The following ANKRD55 variants were observed in gnomAD, a reference collection of about 807,000 sequenced individuals.
ANKRD55 encodes the protein ankyrin repeat domain 55.
In ANKRD55, 41 loss-of-function variants were observed where a neutral mutation model predicts 60.6. The observed-to-expected ratio is 0.68, with a 90% CI of 0.53 to 0.88. ANKRD55 has a LOEUF of 0.88. Among genes scored for constraint, ANKRD55 ranks in the 40% least tolerant of loss-of-function variants. The pLI, the probability that ANKRD55 is intolerant of heterozygous loss-of-function variation, is 0.00. For synonymous variants in ANKRD55, 264 were observed against 290.3 expected, an observed-to-expected ratio of 0.91 and a Z score of 0.92; for missense variants, 732 against 767.6, an observed-to-expected ratio of 0.95 and a Z score of 0.55.
intron 10 of ANKRD55, among the ~76,000 whole-genome samples, chr5:56,107,629 A>G (rs1756524147): frequency 6.6e-6 from 1 of 152,130 alleles, no homozygotes; most frequent in Non-Finnish European, 1.5e-5. Flanking sequence ...GGCCAATGAG[A>G]TGCAAGCGGA....
chr5:56,189,555 C>T (rs1759045826), intron 2 of ANKRD55, among the ~76,000 whole-genome samples: 1 of 152,186 alleles, frequency 6.6e-6, no homozygotes, highest in Admixed American at 6.5e-5. Flanking sequence ...AAAGGCACCT[C>T]ATGTATGTGG....
chr5:56,166,684 A>G (rs1758493251), intron 5 of ANKRD55, among the ~76,000 whole-genome samples: 1 of 152,238 alleles, frequency 6.6e-6, no homozygotes, highest in African/African-American at 2.4e-5. Context: ...TCCTACATGT[A>G]TGCCAGAGGT....
intron 9 of ANKRD55, among the ~76,000 whole-genome samples, chr5:56,115,863 A>AT (rs993566767): frequency 2.7e-5 from 4 of 150,672 alleles, no homozygotes; most frequent in African/African-American, 7.3e-5. Flanking sequence ...TAATTAATTA[A>AT]TTTTTTTTTG....
intron 8 of ANKRD55, chr5:56,125,742 C>G (rs546363751): frequency 6.6e-6 from 1 of 152,196 alleles, no homozygotes; most frequent in Non-Finnish European, 1.5e-5. Flanking sequence ...AGGGATGACA[C>G]ACAAATTTGT....
chr5:56,172,388 T>C (rs755423423), intron 4 of ANKRD55, among the ~76,000 whole-genome samples: 1 of 152,154 alleles, frequency 6.6e-6, no homozygotes, highest in East Asian at 1.9e-4. Flanking sequence ...AATGTCTAAA[T>C]CATCAAGTTC....
At chr5:56,205,101 C>A (rs1056957136) in intron 2 of ANKRD55, among the ~76,000 whole-genome samples, 1 of 151,874 alleles carries the variant, frequency 6.6e-6, no homozygotes, top group African/African-American at 2.4e-5. Flanking sequence ...CACTCTGTTG[C>A]CCAGGATGGA....
rs1357423082 is a variant in ANKRD55 at position 56,233,279 on chromosome 5, C to A, written c.-72G>T. ...TGGAAAAACACAGCAGATCACGGAG[C>A]TTCAGCAGCTGGAATGTCGCTTTAC... On this transcript the variant is annotated 5_prime_UTR_variant, in exon 1 of 12. Coordinates refer to ENST00000341048, the MANE Select transcript of ANKRD55 (RefSeq NM_024669.3). 2 of 244,656 alleles carry A rather than the reference C, an allele frequency of 8.2e-6. No homozygotes were observed. The highest frequency in any genetic ancestry group is 1.6e-5 in the Non-Finnish European group (2 of 125,288). 15.2% of individuals were successfully genotyped at this position (244,656 alleles called of 1,614,324 possible). A position where few individuals can be genotyped will look rare whatever the true frequency, so the allele number is the denominator to read the frequency against.
At chr5:56,161,729 A>G (rs1758336137) in intron 5 of ANKRD55, among the ~76,000 whole-genome samples, 1 of 152,194 alleles carries the variant, frequency 6.6e-6, no homozygotes, top group African/African-American at 2.4e-5. Context: ...TCAGAGGGGT[A>G]GTAACGCAGT....
chr5:56,106,475 G>C (rs1461033276), intron 10 of ANKRD55, among the ~76,000 whole-genome samples: 1 of 140,790 alleles, frequency 7.1e-6, no homozygotes, highest in Non-Finnish European at 1.5e-5. Flanking sequence ...GCCCAGGCTG[G>C]AGTGCAGGTG....
rs148696905 is a variant in ANKRD55, at chr5:56,176,250, G to A, written c.214C>T (p.Arg72Cys). 3.0e-4 allele frequency: 481 copies of A among 1,614,046 alleles called. No individual in the cohort carries two copies. The highest frequency in any genetic ancestry group is 2.2e-4 in the Non-Finnish European group (255 of 1,180,036). ...CTPLMHAVSGRQADTVKLLLK... is the reference protein window; with the variant it reads ...CTPLMHAVSGCQADTVKLLLK... ...AGCAGCTTCACTGTGTCCGCTTGAC[G>A]TCCAGAAACCGCATGCATCAAGGGC... Residue 72 changes from arginine to cysteine, a missense_variant, in exon 4 of 12, where the codon CGT becomes TGT. Arg to Cys is a radical substitution (Grantham distance 180). Around this residue, in one of 3 missense-constraint regions of ANKRD55, gnomAD observed 131 missense variants for 142.7 expected, o/e 0.92. Transcript: ENST00000341048.
intron 10 of ANKRD55, among the ~76,000 whole-genome samples, chr5:56,108,004 A>G (rs1429555398): frequency 6.6e-6 from 1 of 151,846 alleles, no homozygotes; most frequent in African/African-American, 2.4e-5. Context: ...CAAGTAGCTG[A>G]GACCACAGGC....
intron 8 of ANKRD55, among the ~76,000 whole-genome samples, chr5:56,122,366 C>G (rs1177899873): frequency 1.3e-5 from 2 of 152,088 alleles, no homozygotes; most frequent in Non-Finnish European, 2.9e-5. Flanking sequence ...ATTGAATAAA[C>G]TAGGCCAGGC....
intron 7 of ANKRD55, chr5:56,137,567 G>GAA (rs70995773): frequency 9.4e-5 from 56 of 598,284 alleles, no homozygotes; most frequent in Non-Finnish European, 1.2e-4. Flanking sequence ...AAAAGTAAAA[G>GAA]AAAAAAAAAA....
chr5:56,135,630 A>C (rs1287057832), intron 7 of ANKRD55, among the ~76,000 whole-genome samples: 2 of 151,986 alleles, frequency 1.3e-5, no homozygotes, highest in African/African-American at 4.8e-5. Flanking sequence ...CGGCCTCCCA[A>C]AGTGCTAGGA....
At chr5:56,157,309 TCTG>T (rs1163689074) in intron 6 of ANKRD55, among the ~76,000 whole-genome samples, 1 of 152,240 alleles carries the variant, frequency 6.6e-6, no homozygotes, top group African/African-American at 2.4e-5. Context: ...CACAGGGACC[TCTG>T]CCTAGGAAAG....
At chr5:56,178,342 A>G (rs770441541) in intron 3 of ANKRD55, among the ~76,000 whole-genome samples, 17 of 152,060 alleles carry the variant, frequency 1.1e-4, no homozygotes, top group Admixed American at 2.0e-4. Flanking sequence ...GGCGTGAGCC[A>G]CTGCATCTGG....
intron 9 of ANKRD55, among the ~76,000 whole-genome samples, chr5:56,114,015 T>TAC (rs1292466380): frequency 1.7e-4 from 22 of 132,120 alleles, no homozygotes; most frequent in South Asian, 9.7e-4. Flanking sequence ...TATATATATA[T>TAC]ACAATAAAAA....
At chr5:56,208,910 G>A (rs1448910330) in intron 2 of ANKRD55, among the ~76,000 whole-genome samples, 2 of 151,740 alleles carry the variant, frequency 1.3e-5, no homozygotes, top group South Asian at 2.1e-4. Flanking sequence ...ATTGTTGACC[G>A]AAATGTCACT....
At chr5:56,149,448 C>T (rs1251949094) in intron 6 of ANKRD55, among the ~76,000 whole-genome samples, 15 of 152,062 alleles carry the variant, frequency 9.9e-5, no homozygotes, top group African/African-American at 3.1e-4. Context: ...CGAACTTAGG[C>T]CATAGAAGTC....
Sources: gnomAD v4.1 joint callset for allele counts (sites outside exome capture counted in the v4.1 genomes callset) on GRCh38, gnomAD v4.1.1 for gene constraint, gnomAD v4.1.1 regional missense constraint, MANE v1.5 for transcripts, NCBI Gene and HGNC (gene_info 2026-07-23, HGNC 2026-07-21) for gene names.